Variants in PCDHGA3 observed in about 807,000 individuals in gnomAD.
PCDHGA3 encodes protocadherin gamma subfamily A, 3.
A neutral mutation model predicts 58.5 loss-of-function variants in PCDHGA3; 40 were observed. The observed-to-expected ratio is 0.68, with a 90% confidence interval of 0.53 to 0.89. PCDHGA3 has a LOEUF of 0.89. PCDHGA3 is among the 40% of genes least tolerant of loss of function. PCDHGA3 has a pLI of 0.00. For missense variants in PCDHGA3, 1,223 were observed against 1,195.9 expected (o/e 1.02, Z -0.33); for synonymous variants, 530 against 525.7 (o/e 1.01, Z -0.11).
chr5:141,366,488 C>T, intron 1 of PCDHGA3: 5 of 1,614,264 alleles, frequency 3.1e-6, no homozygotes, highest in Non-Finnish European at 4.2e-6. Flanking sequence ...GAGGCGCTGG[C>T]ACAAGTCACG....
In PCDHGA3 at chr5:141,355,063, C is replaced by T. The variant is rs902736924; in HGVS notation, c.2424+8606C>T. The T allele has an allele frequency of 8.4e-6, 11 of 1,314,420 alleles. No homozygotes were observed. The African/African-American group carries it at 1.6e-4, about 19-fold the overall frequency. The allele number at this position is 1,314,420 out of a possible 1,614,324, so 81.4% of individuals were successfully genotyped here. The stretch of plus-strand genomic sequence containing the variant: ...GCAGCACAAAGCACTGGCTCTGGAG[C>T]TTTATGAAAGCTTCAAGCGGAAGCC... On this transcript the variant is annotated intron_variant, in intron 1 of 3. Transcript: ENST00000253812.
intron 1 of PCDHGA3, chr5:141,419,148 C>A: frequency 6.2e-7 from 1 of 1,613,940 alleles, no homozygotes; most frequent in Admixed American, 1.7e-5. Flanking sequence ...AGGGGCAAGC[C>A]TCCGTTATCC....
intron 1 of PCDHGA3, chr5:141,356,192 G>A: frequency 6.2e-7 from 1 of 1,610,042 alleles, no homozygotes; most frequent in Non-Finnish European, 8.5e-7. Context: ...CGAGCTAGAA[G>A]CAAGGTACTG....
In PCDHGA3 at chr5:141,475,307, T is replaced by C. The variant is rs527879991; in HGVS notation, c.2425-19500T>C. The stretch of plus-strand genomic sequence containing the variant: ...GGTAGGGAAATTTCTTATTGCTCCC[T>C]GGTTCTTAAGAAATGAGAGCTAACA... On this transcript the variant is annotated intron_variant, in intron 1 of 3. Transcript: ENST00000253812. 2.8e-4 allele frequency among the ~76,000 whole-genome samples: 43 copies of C among 152,348 alleles called. 1 individual carries two copies. Among genetic ancestry groups the C allele is most frequent in the Admixed American group, 8.5e-4 (13 of 15,298 alleles).
intron 1 of PCDHGA3, chr5:141,409,266 A>G (rs1285539149): frequency 1.1e-5 from 17 of 1,613,922 alleles, no homozygotes; most frequent in Non-Finnish European, 1.4e-5. Flanking sequence ...CTCTCTGATC[A>G]GATTTTGGAG....
At chr5:141,349,244 T>A (rs1199692870) in intron 1 of PCDHGA3, among the ~76,000 whole-genome samples, 1 of 34,678 alleles carries the variant, frequency 2.9e-5, no homozygotes, top group Admixed American at 3.8e-4. Context: ...TAATTTTTAT[T>A]TTTTTTAGTA....
intron 1 of PCDHGA3, among the ~76,000 whole-genome samples, chr5:141,443,191 A>G (rs2098371862): frequency 6.6e-6 from 1 of 152,122 alleles, no homozygotes; most frequent in Non-Finnish European, 1.5e-5. Flanking sequence ...CATTCTCTAT[A>G]GTACAAAGAG....
intron 1 of PCDHGA3, chr5:141,421,287 C>T: frequency 1.2e-6 from 2 of 1,613,240 alleles, no homozygotes; most frequent in Non-Finnish European, 1.7e-6. Flanking sequence ...TGTGCATTTT[C>T]CTGGGGACGC....
In PCDHGA3 at chr5:141,431,129, A is replaced by G. The variant is rs771219303; in HGVS notation, c.2425-63678A>G. The G allele has an allele frequency of 7.4e-6, 12 of 1,614,152 alleles. No homozygotes were observed. The Admixed American group carries it at 1.7e-4, about 22-fold the overall frequency. Reference sequence around the variant, plus strand: ...AATATATGGAGTAGAAGTAGAAGTAAGGGACATTAACGACAATGCGCCTTA... The same window carrying G: ...AATATATGGAGTAGAAGTAGAAGTAGGGGACATTAACGACAATGCGCCTTA... On this transcript the variant is annotated intron_variant, in intron 1 of 3. Coordinates refer to ENST00000253812, the MANE Select transcript of PCDHGA3 (RefSeq NM_018916.4). The surrounding 1 kb of genome is among the most constrained non-coding windows in gnomAD (Gnocchi z 4.8).
chr5:141,392,629 T>C, intron 1 of PCDHGA3: 1 of 598,736 alleles, frequency 1.7e-6, no homozygotes, highest in East Asian at 3.0e-5. Flanking sequence ...AACACTCAGA[T>C]CTCACACCTC....
intron 1 of PCDHGA3, among the ~76,000 whole-genome samples, chr5:141,457,665 G>A (rs2098927092): frequency 6.6e-6 from 1 of 152,330 alleles, no homozygotes; most frequent in Non-Finnish European, 1.5e-5. Flanking sequence ...AGCAAGAATG[G>A]TTATTTCTAC....
At chr5:141,403,740 C>T in intron 1 of PCDHGA3, 1 of 1,613,920 alleles carries the variant, frequency 6.2e-7, no homozygotes, top group Non-Finnish European at 8.5e-7. Flanking sequence ...TGGCTGCTTA[C>T]TGCAACAGCC....
chr5:141,408,358 G>C, intron 1 of PCDHGA3: 1 of 1,613,952 alleles, frequency 6.2e-7, no homozygotes, highest in South Asian at 1.1e-5. Context: ...ACCTCGCTAA[G>C]GATCTAGGGC....
intron 1 of PCDHGA3, chr5:141,417,617 A>G (rs576281946): frequency 9.3e-6 from 6 of 646,206 alleles, no homozygotes; most frequent in African/African-American, 1.8e-5. Flanking sequence ...GCCAGTGCAG[A>G]GCAAGCGCTG....
At position 141,357,475 on chromosome 5, in the gene PCDHGA3, C is replaced by G. The variant is rs778953357; in HGVS notation, c.2424+11018C>G. On this transcript the variant is annotated intron_variant, in intron 1 of 3. Transcript: ENST00000253812. Reference sequence around the variant, plus strand: ...GCAGACCTATTCCCACGAGGTCTCCCTCACCGCGGACTCGCGGAAGAGTCA... The same window carrying G: ...GCAGACCTATTCCCACGAGGTCTCCGTCACCGCGGACTCGCGGAAGAGTCA... 4.0e-5 allele frequency: 65 copies of G among 1,614,118 alleles called. No individual in the cohort carries two copies. Among genetic ancestry groups the G allele is most frequent in the Non-Finnish European group, 5.3e-5 (63 of 1,180,052 alleles).
At chr5:141,423,240 A>G (rs1260661059) in intron 1 of PCDHGA3, 1 of 1,613,932 alleles carries the variant, frequency 6.2e-7, no homozygotes, top group Middle Eastern at 1.6e-4. Context: ...GCATCCCCGA[A>G]GTCCTGGCGG....
chr5:141,372,095 G>C (rs1359793562), intron 1 of PCDHGA3: 1 of 1,613,790 alleles, frequency 6.2e-7, no homozygotes, highest in Admixed American at 1.7e-5. Context: ...ACCCAGCTCT[G>C]GGGCCCGAAG....
At chr5:141,372,676 CA>C (rs1170718624) in intron 1 of PCDHGA3, 3 of 1,613,898 alleles carry the variant, frequency 1.9e-6, no homozygotes, top group Non-Finnish European at 1.7e-6. Context: ...TCACATTCCT[CA>C]AACACCGAGT....
At position 141,389,758 on chromosome 5, in the gene PCDHGA3, G is replaced by T. The variant is rs201153580; in HGVS notation, c.2424+43301G>T. On this transcript the variant is annotated intron_variant, in intron 1 of 3. Transcript: ENST00000253812. Reference sequence around the variant, plus strand: ...CTGGGGCTGCGCACGGGCGAAGTGCGCACAGCGCGTGCCTTAGGCGACAGG... The same window carrying T: ...CTGGGGCTGCGCACGGGCGAAGTGCTCACAGCGCGTGCCTTAGGCGACAGG... The T allele has an allele frequency of 1.4e-4, 224 of 1,612,792 alleles. No homozygotes were observed. The African/African-American group carries it at 2.7e-3, about 19-fold the overall frequency.
Sources: allele counts gnomAD v4.1 joint callset (sites outside exome capture counted in the v4.1 genomes callset), GRCh38; gene constraint gnomAD v4.1.1; non-coding constraint Gnocchi (gnomAD v3.1); transcripts MANE v1.5; gene names NCBI Gene and HGNC (gene_info 2026-07-23, HGNC 2026-07-21).